PCDHA12: variants seen among roughly 807,000 people sequenced by gnomAD.
PCDHA12 encodes the protein protocadherin alpha-12.
A neutral mutation model predicts 60.0 loss-of-function variants in PCDHA12; 44 were observed. The observed-to-expected ratio is 0.73, with a 90% confidence interval of 0.58 to 0.94. PCDHA12 has a LOEUF of 0.94. PCDHA12 is among the 40% of genes least tolerant of loss of function. The probability of loss-of-function intolerance (pLI) is 0.00; values close to 1 mark genes in which losing one functional copy is unlikely to be tolerated. For synonymous variants in PCDHA12, 569 were observed against 553.0 expected (o/e 1.03, Z -0.40); for missense variants, 1,276 against 1,239.7 (o/e 1.03, Z -0.44).
intron 3 of PCDHA12, among the ~76,000 whole-genome samples, chr5:140,988,734 T>C (rs2097310672): frequency 1.3e-5 from 2 of 152,212 alleles, no homozygotes. Context: ...ATAGTAATTA[T>C]TCTAGGATTG....
chr5:140,891,596 A>T (rs191602934), intron 1 of PCDHA12, among the ~76,000 whole-genome samples: 2 of 152,134 alleles, frequency 1.3e-5, no homozygotes, highest in African/African-American at 4.8e-5. Flanking sequence ...ACTCTATCCC[A>T]TCTATTTCTA....
chr5:140,912,860 G>A (rs1554195574), intron 1 of PCDHA12, among the ~76,000 whole-genome samples: 1 of 152,182 alleles, frequency 6.6e-6, no homozygotes, highest in African/African-American at 2.4e-5. Flanking sequence ...CAATTGAAAT[G>A]ATATATGGTT....
chr5:140,924,910 AT>A (rs1554202346), intron 1 of PCDHA12, among the ~76,000 whole-genome samples: 33 of 63,422 alleles, frequency 5.2e-4, no homozygotes, highest in African/African-American at 1.8e-3. Context: ...AAAAAATAAA[AT>A]AAAATAAAAT....
chr5:140,940,499 G>A (rs190058542), intron 1 of PCDHA12, among the ~76,000 whole-genome samples: 23 of 151,756 alleles, frequency 1.5e-4, no homozygotes, highest in African/African-American at 3.9e-4. Context: ...GTCTTGCTCC[G>A]TCGCTCAGGC....
chr5:140,925,721 T>C lies in PCDHA12; in HGVS notation c.2367+47882T>C, dbSNP rs1360748997. Among the ~76,000 whole-genome samples the C allele has an allele frequency of 3.3e-5, 5 of 151,692 alleles. No individual in the cohort carries two copies. In the East Asian group the frequency reaches 7.7e-4, roughly 23 times the overall value. ...AGCCTATTCTTATCCTGCCTCATGG[T>C]GTTTTCTAAATATTTACAGAAAGAA... On this transcript the variant is annotated intron_variant, in intron 1 of 3. Transcript: ENST00000398631.
chr5:140,985,505 T>C (rs2097155238), intron 3 of PCDHA12, among the ~76,000 whole-genome samples: 1 of 152,188 alleles, frequency 6.6e-6, no homozygotes, highest in Non-Finnish European at 1.5e-5. Flanking sequence ...CTGCCTTTCA[T>C]TGATTCTGTT....
At chr5:140,977,784 A>G (rs1284023783) in intron 1 of PCDHA12, among the ~76,000 whole-genome samples, 1 of 152,366 alleles carries the variant, frequency 6.6e-6, no homozygotes, top group East Asian at 1.9e-4. Context: ...TAAAGGAACT[A>G]TATGAATGAT....
intron 3 of PCDHA12, among the ~76,000 whole-genome samples, chr5:141,005,605 G>A (rs1366861614): frequency 7.3e-5 from 11 of 150,146 alleles, no homozygotes; most frequent in African/African-American, 2.7e-4. Context: ...AGGAGGCTGA[G>A]GCAGGAGAAT....
rs183412283 is a variant in PCDHA12 at position 140,968,329 on chromosome 5, T to C, written c.2368-10620T>C. On this transcript the variant is annotated intron_variant, in intron 1 of 3. Transcript: ENST00000398631. ...TTCAAGGGCTGCCAGTCACCTCCTA[T>C]GTCTCCATTAACAGTGCCAGTGGCA... is the stretch of plus-strand genomic sequence containing the variant. 7.7e-5 allele frequency: 125 copies of C among 1,614,150 alleles called. 1 individual carries two copies. In the East Asian group the frequency reaches 2.7e-3, roughly 34 times the overall value.
At chr5:141,001,822 TGACAGAGAGGGA>T (rs541215764) in intron 3 of PCDHA12, among the ~76,000 whole-genome samples, 203 of 152,310 alleles carry the variant, frequency 1.3e-3, no homozygotes, top group African/African-American at 4.5e-3. Context: ...GGCCAAATTC[TGACAGAGAGGGA>T]GACAGAGAGA....
chr5:140,926,805 G>A, intron 1 of PCDHA12: 2 of 1,452,468 alleles, frequency 1.4e-6, no homozygotes, highest in Non-Finnish European at 9.0e-7. Flanking sequence ...GCTCTTCCCC[G>A]CGGCTCGTGC....
intron 1 of PCDHA12, among the ~76,000 whole-genome samples, chr5:140,922,855 A>C (rs1216713034): frequency 6.6e-6 from 1 of 152,246 alleles, no homozygotes; most frequent in Non-Finnish European, 1.5e-5. Context: ...GACCAAATAC[A>C]TAGACAAGGG....
chr5:140,930,841 A>T (rs2087150671), intron 1 of PCDHA12, among the ~76,000 whole-genome samples: 1 of 152,230 alleles, frequency 6.6e-6, no homozygotes, highest in South Asian at 2.1e-4. Context: ...ATGAATAAAT[A>T]TGTGCATATA....
chr5:140,966,938 G>A (rs1159097726), intron 1 of PCDHA12: 1 of 1,604,146 alleles, frequency 6.2e-7, no homozygotes, highest in African/African-American at 1.3e-5. Context: ...CGGCGCGCTC[G>A]TGGGCAACGT....
chr5:140,959,300 C>T (rs887685405), intron 1 of PCDHA12, among the ~76,000 whole-genome samples: 11 of 151,854 alleles, frequency 7.2e-5, no homozygotes, highest in African/African-American at 2.7e-4. Flanking sequence ...TCACTGAGCC[C>T]GGTGGTTGAA....
chr5:140,941,201 TCC>T lies in PCDHA12; in HGVS notation c.2368-37747_2368-37746del, dbSNP rs1554213890. On this transcript the variant is annotated intron_variant, in intron 1 of 3. Coordinates refer to ENST00000398631, the MANE Select transcript of PCDHA12 (RefSeq NM_018903.4). The stretch of plus-strand genomic sequence containing the variant: ...ATCCTGCTTCTTTTTTTTTCTTTCT[TCC>T]TTTCTTTCTTCCTTTCTTTCTTTCT... 4.9e-3 allele frequency among the ~76,000 whole-genome samples: 512 copies of T among 103,578 alleles called. 4 individuals are homozygous for T. The highest frequency in any genetic ancestry group is 7.0e-3 in the African/African-American group (178 of 25,432). 68.0% of individuals were successfully genotyped at this position (103,578 alleles called of 152,430 possible). A position where few individuals can be genotyped will look rare whatever the true frequency, so the allele number is the denominator to read the frequency against.
Position 140,877,064 on chromosome 5 carries a change from T to C in PCDHA12, c.1592T>C (p.Leu531Pro), listed in dbSNP as rs2056824961. Residue 531 changes from leucine to proline, a missense_variant, in exon 1 of 4, where the codon CTG becomes CCG. By Grantham distance (98) the Leu-to-Pro change is moderately conservative (BLOSUM62 -3). Coordinates refer to ENST00000398631, the MANE Select transcript of PCDHA12 (RefSeq NM_018903.4). The part of the protein sequence containing the change: ...QPLDHEELEL[L>P]QFQVSARDAG... ...CTAGACCACGAGGAGCTGGAGCTGC[T>C]GCAGTTCCAGGTGAGCGCGCGCGAC... is the stretch of plus-strand genomic sequence containing the variant. The C allele has an allele frequency of 6.2e-7, 1 of 1,612,896 alleles. No homozygotes were observed. Among genetic ancestry groups the C allele is most frequent in the Non-Finnish European group, 8.5e-7 (1 of 1,179,856 alleles).
chr5:141,009,833 G>A lies in PCDHA12; in HGVS notation c.2722G>A (p.Gly908Ser), dbSNP rs782642898. The A allele has an allele frequency of 8.7e-6, 14 of 1,613,366 alleles. No homozygotes were observed. The highest frequency in any genetic ancestry group is 2.7e-5 in the African/African-American group (2 of 74,746). ...TGACAAAAGTGACTTCATAACCTTC[G>A]GCAAAAAGGAGGAGACCAAGAAAAA... ...QIDKSDFITF[G>S]KKEETKKKKK... Residue 908 changes from glycine (G) to serine (S), a missense_variant, in exon 4 of 4, where the codon GGC (glycine) becomes AGC (serine). Physicochemically the swap from Gly to Ser is moderately conservative, Grantham distance 56 (BLOSUM62 0). Coordinates refer to ENST00000398631, the MANE Select transcript of PCDHA12 (RefSeq NM_018903.4).
At chr5:140,891,040 C>G (rs2062916193) in intron 1 of PCDHA12, among the ~76,000 whole-genome samples, 1 of 144,978 alleles carries the variant, frequency 6.9e-6, no homozygotes, top group Admixed American at 6.6e-5. Context: ...TTAGGTGTGA[C>G]CCCCACAGCA....
Sources: allele counts gnomAD v4.1 joint callset (sites outside exome capture counted in the v4.1 genomes callset), GRCh38; gene constraint gnomAD v4.1.1; transcripts MANE v1.5; gene names NCBI Gene and HGNC (gene_info 2026-07-23, HGNC 2026-07-21).